The following CRACDL variants were observed in gnomAD, a reference collection of about 807,000 sequenced individuals.
CRACDL encodes CRACD-like protein.
Under a neutral mutation model 70.6 loss-of-function variants are expected in CRACDL, and 26 were observed. The ratio of observed to expected loss-of-function variants is 0.37; its 90% CI spans 0.27 to 0.51. The LOEUF (loss-of-function observed/expected upper bound fraction) is 0.51. Ranked by LOEUF, CRACDL falls within the 20% of genes least tolerant of loss-of-function variation. The pLI is 0.94. For synonymous variants in CRACDL, 618 were observed against 615.2 expected, an observed-to-expected ratio of 1.00 and a Z score of -0.07; for missense variants, 1,283 against 1,376.9, an observed-to-expected ratio of 0.93 and a Z score of 1.08.
chr2:98,858,719 T>G (rs1427035748), intron 1 of CRACDL, among the ~76,000 whole-genome samples: 1 of 151,744 alleles, frequency 6.6e-6, no homozygotes, highest in Non-Finnish European at 1.5e-5. Flanking sequence ...TTTGAGAAAA[T>G]CAATAAAATG....
chr2:98,906,963 T>G (rs1427943566), intron 1 of CRACDL, among the ~76,000 whole-genome samples: 1 of 152,140 alleles, frequency 6.6e-6, no homozygotes, highest in Non-Finnish European at 1.5e-5. Flanking sequence ...ATGTTCAAGG[T>G]GCTCAGTAAG....
At chr2:98,902,934 A>T (rs1285889715) in intron 1 of CRACDL, among the ~76,000 whole-genome samples, 1 of 152,138 alleles carries the variant, frequency 6.6e-6, no homozygotes, top group Non-Finnish European at 1.5e-5. Context: ...GCCTACGACC[A>T]GCTTTTACCA....
chr2:98,869,956 G>A (rs925884), intron 1 of CRACDL, among the ~76,000 whole-genome samples: 4,400 of 152,160 alleles, frequency 0.029, 255 homozygotes, highest in East Asian at 0.13. Flanking sequence ...AACCTGACAG[G>A]TGCAGGGGCC....
intron 1 of CRACDL, among the ~76,000 whole-genome samples, chr2:98,872,224 G>A (rs1256498897): frequency 6.6e-6 from 1 of 152,310 alleles, no homozygotes; most frequent in East Asian, 1.9e-4. Flanking sequence ...CGGGCGTGGT[G>A]GCACATGCCT....
At chr2:98,821,771 G>T (rs1393876665) in intron 7 of CRACDL, 86 bp downstream of exon 7, 2 of 1,477,330 alleles carry the variant, frequency 1.4e-6, no homozygotes, top group African/African-American at 1.4e-5. Context: ...TGTACCAGGA[G>T]CATTTGGCGA....
intron 1 of CRACDL, among the ~76,000 whole-genome samples, chr2:98,895,536 C>T (rs955122595): frequency 6.6e-6 from 1 of 151,950 alleles, no homozygotes; most frequent in Non-Finnish European, 1.5e-5. Context: ...TGCTCAAGGC[C>T]CTGGAAGAAA....
intron 1 of CRACDL, among the ~76,000 whole-genome samples, chr2:98,883,752 A>G (rs1434327970): frequency 6.6e-6 from 1 of 152,240 alleles, no homozygotes; most frequent in African/African-American, 2.4e-5. Flanking sequence ...GTGTTGCTTA[A>G]CAGCCTGGGC....
intron 7 of CRACDL, among the ~76,000 whole-genome samples, chr2:98,810,599 T>C (rs1704513632): frequency 1.3e-5 from 2 of 152,070 alleles, no homozygotes; most frequent in African/African-American, 4.8e-5. Flanking sequence ...GCATTTTTCA[T>C]CCATCAGACT....
chr2:98,928,900 C>T (rs2104705083), intron 1 of CRACDL, among the ~76,000 whole-genome samples: 1 of 152,302 alleles, frequency 6.6e-6, no homozygotes, highest in East Asian at 1.9e-4. Flanking sequence ...TCCAAAACTA[C>T]ATGGAATTCG....
intron 5 of CRACDL, among the ~76,000 whole-genome samples, chr2:98,828,384 GTT>G (rs1391921640): frequency 6.6e-6 from 1 of 152,246 alleles, no homozygotes; most frequent in African/African-American, 2.4e-5. Context: ...TAAGAATAGA[GTT>G]TTATTCACAC....
chr2:98,801,585 A>AC (rs1369358002), intron 7 of CRACDL, among the ~76,000 whole-genome samples: 24 of 152,218 alleles, frequency 1.6e-4, no homozygotes, highest in Admixed American at 6.5e-4. Flanking sequence ...ATAATCCACG[A>AC]CCTATGCCTC....
At chr2:98,915,456 G>T (rs1052459805) in intron 1 of CRACDL, among the ~76,000 whole-genome samples, 3 of 152,152 alleles carry the variant, frequency 2.0e-5, no homozygotes, top group Non-Finnish European at 4.4e-5. Context: ...GGATGCCCGG[G>T]GACTGGTGGA....
chr2:98,827,262 G>T, intron 5 of CRACDL, 93 bp from the exon 6 acceptor site: 1 of 844,514 alleles, frequency 1.2e-6, no homozygotes. Flanking sequence ...TGCCCAGGCT[G>T]TCTTCCCACA....
intron 1 of CRACDL, among the ~76,000 whole-genome samples, chr2:98,851,744 T>C (rs371256225): frequency 1.3e-5 from 2 of 152,112 alleles, no homozygotes; most frequent in East Asian, 3.9e-4. Context: ...CAGAAAAATA[T>C]CCTTCAAATT....
At chr2:98,926,628 T>C (rs1358797475) in intron 1 of CRACDL, among the ~76,000 whole-genome samples, 1 of 152,028 alleles carries the variant, frequency 6.6e-6, no homozygotes, top group Non-Finnish European at 1.5e-5. Flanking sequence ...ACACCGAAAA[T>C]ACAATGATCC....
At chr2:98,859,914 G>A (rs1012957571) in intron 1 of CRACDL, among the ~76,000 whole-genome samples, 3 of 152,112 alleles carry the variant, frequency 2.0e-5, no homozygotes, top group Non-Finnish European at 4.4e-5. Flanking sequence ...AATGTTGAGG[G>A]ATCCATTAAA....
rs147334344 is a variant in CRACDL, at chr2:98,871,403, C to T, written c.-10-24593G>A. Among the ~76,000 whole-genome samples the T allele has an allele frequency of 2.8e-3, 430 of 152,226 alleles. 3 individuals carry two copies. Among genetic ancestry groups the T allele is most frequent in the African/African-American group, 0.01 (416 of 41,518 alleles). ...CAGCTATGAGTTAAATGGTCCATTG[C>T]TTTTTTTGCAGGTGAGGAAATAGAG... On this transcript the variant is annotated intron_variant, in intron 1 of 9. Transcript: ENST00000397899.
intron 1 of CRACDL, among the ~76,000 whole-genome samples, chr2:98,901,428 C>A (rs1264095690): frequency 1.3e-5 from 2 of 152,188 alleles, no homozygotes; most frequent in Non-Finnish European, 2.9e-5. Flanking sequence ...AGTCCCAGGG[C>A]TCCCCCCATC....
intron 1 of CRACDL, among the ~76,000 whole-genome samples, chr2:98,910,571 T>C (rs1708523840): frequency 7.2e-6 from 1 of 139,164 alleles, no homozygotes; most frequent in African/African-American, 2.7e-5. Context: ...TAAATAATGC[T>C]CCTTGTTTCC....
Sources: allele counts gnomAD v4.1 joint callset (sites outside exome capture counted in the v4.1 genomes callset), GRCh38; gene constraint gnomAD v4.1.1; transcripts MANE v1.5; gene names NCBI Gene and HGNC (gene_info 2026-07-23, HGNC 2026-07-21).